The following RORA variants were observed in gnomAD, a reference collection of about 807,000 sequenced individuals.
The protein encoded by RORA is RAR related orphan receptor A.
RORA carries 7 observed loss-of-function variants against 69.5 expected under a neutral mutation model. That is an observed-to-expected ratio of 0.10 (90% CI 0.06 to 0.19). The LOEUF is 0.19. Ranked by LOEUF, RORA falls within the 10% of genes least tolerant of loss-of-function variation. The pLI is 1.00. For synonymous variants in RORA, 261 were observed against 240.8 expected, an observed-to-expected ratio of 1.08 and a Z score of -0.78; for missense variants, 457 against 663.0, an observed-to-expected ratio of 0.69 and a Z score of 3.41.
chr15:60,708,860 C>G (rs1448809305), intron 1 of RORA, among the ~76,000 whole-genome samples: 1 of 152,196 alleles, frequency 6.6e-6, no homozygotes, highest in African/African-American at 2.4e-5. Flanking sequence ...ATCCAGGGGT[C>G]AGGGTGAAAA....
chr15:60,945,729 C>T (rs1892850718), intron 1 of RORA, among the ~76,000 whole-genome samples: 2 of 152,212 alleles, frequency 1.3e-5, no homozygotes, highest in African/African-American at 4.8e-5. Context: ...CCCAAGGCAA[C>T]TCACAATGGT....
chr15:61,033,554 G>A (rs1595897895), intron 1 of RORA, among the ~76,000 whole-genome samples: 2 of 152,134 alleles, frequency 1.3e-5, no homozygotes, highest in African/African-American at 4.8e-5. Context: ...GACCTAGATA[G>A]TAGCTCCATA....
chr15:60,801,856 GATA>G (rs1205574531), intron 1 of RORA, among the ~76,000 whole-genome samples: 6 of 152,212 alleles, frequency 3.9e-5, no homozygotes, highest in Non-Finnish European at 7.3e-5. Flanking sequence ...AATATAAAAT[GATA>G]ATGATGATGA....
intron 2 of RORA, among the ~76,000 whole-genome samples, chr15:60,585,771 G>C (rs1441408691): frequency 6.6e-6 from 1 of 152,086 alleles, no homozygotes; most frequent in Non-Finnish European, 1.5e-5. Context: ...TTTACTTCCT[G>C]CCAAGCAAAC....
At chr15:60,623,978 G>A (rs1395002323) in intron 2 of RORA, among the ~76,000 whole-genome samples, 1 of 145,536 alleles carries the variant, frequency 6.9e-6, no homozygotes, top group Non-Finnish European at 1.5e-5. Context: ...TTGCTCGAAG[G>A]TTGGAATTCT....
At chr15:60,941,016 C>G (rs1481904771) in intron 1 of RORA, among the ~76,000 whole-genome samples, 1 of 152,114 alleles carries the variant, frequency 6.6e-6, no homozygotes, top group African/African-American at 2.4e-5. Context: ...GATTTTTCTC[C>G]TATGTGATAG....
intron 2 of RORA, among the ~76,000 whole-genome samples, chr15:60,581,132 A>G (rs2068180498): frequency 6.6e-6 from 1 of 152,294 alleles, no homozygotes; most frequent in East Asian, 1.9e-4. Context: ...TTCTGAAAAC[A>G]CTCGATCCAT....
At chr15:60,727,852 G>C (rs996893230) in intron 1 of RORA, among the ~76,000 whole-genome samples, 5 of 152,100 alleles carry the variant, frequency 3.3e-5, no homozygotes, top group Non-Finnish European at 2.9e-5. Flanking sequence ...AGAGGTTCAC[G>C]GGCACTCACT....
At chr15:60,991,869 G>A (rs1366570197) in intron 1 of RORA, among the ~76,000 whole-genome samples, 1 of 151,548 alleles carries the variant, frequency 6.6e-6, no homozygotes, top group Non-Finnish European at 1.5e-5. Flanking sequence ...CAGCATCCCT[G>A]TACTCCAGCC....
At chr15:60,980,489 T>C (rs1391623886) in intron 1 of RORA, among the ~76,000 whole-genome samples, 3 of 152,184 alleles carry the variant, frequency 2.0e-5, no homozygotes, top group Non-Finnish European at 4.4e-5. Flanking sequence ...GTAGAATCCA[T>C]TGATGGAGTC....
chr15:60,505,146 C>T (rs568985424), intron 6 of RORA, among the ~76,000 whole-genome samples: 1 of 152,284 alleles, frequency 6.6e-6, no homozygotes, highest in South Asian at 2.1e-4. Flanking sequence ...CTTCCAGAAA[C>T]ATTAGGCTGA....
At chr15:60,544,532 G>T (rs1414195546) in intron 2 of RORA, among the ~76,000 whole-genome samples, 1 of 152,076 alleles carries the variant, frequency 6.6e-6, no homozygotes, top group Non-Finnish European at 1.5e-5. Flanking sequence ...ACTATGAAAC[G>T]AAGAGAATTT....
At chr15:61,218,259 T>C (rs2080060493) in intron 1 of RORA, among the ~76,000 whole-genome samples, 1 of 151,822 alleles carries the variant, frequency 6.6e-6, no homozygotes, top group Non-Finnish European at 1.5e-5. Flanking sequence ...ATCACGGTAT[T>C]AATGTCTCAA....
At chr15:60,616,414 G>A (rs79822531) in intron 2 of RORA, among the ~76,000 whole-genome samples, 22 of 152,314 alleles carry the variant, frequency 1.4e-4, no homozygotes, top group South Asian at 4.2e-4. Context: ...CCAGTTGCAC[G>A]AGGGCTGTCA....
chr15:61,067,114 C>CTTT (rs772963614), intron 1 of RORA, among the ~76,000 whole-genome samples: 3 of 138,466 alleles, frequency 2.2e-5, no homozygotes, highest in African/African-American at 5.4e-5. Flanking sequence ...AACTTTTTTT[C>CTTT]TTTTTTTTTT....
intron 1 of RORA, among the ~76,000 whole-genome samples, chr15:60,719,348 T>C (rs1183557146): frequency 1.3e-5 from 2 of 151,986 alleles, no homozygotes; most frequent in Admixed American, 6.6e-5. Flanking sequence ...GAAACAACGA[T>C]GGTAAAATGT....
intron 1 of RORA, among the ~76,000 whole-genome samples, chr15:61,078,818 C>T (rs182980737): frequency 6.6e-6 from 1 of 152,124 alleles, no homozygotes; most frequent in Non-Finnish European, 1.5e-5. Flanking sequence ...TACCTACCTA[C>T]CTGCCTACCT....
At chr15:61,224,144 T>C (rs892446530) in intron 1 of RORA, among the ~76,000 whole-genome samples, 1 of 152,186 alleles carries the variant, frequency 6.6e-6, no homozygotes, top group Non-Finnish European at 1.5e-5. Context: ...ACTCCAACAC[T>C]TGAAGGCCTT....
At chr15:60,649,513 G>A (rs1430709143) in intron 2 of RORA, among the ~76,000 whole-genome samples, 2 of 152,122 alleles carry the variant, frequency 1.3e-5, no homozygotes, top group Non-Finnish European at 2.9e-5. Flanking sequence ...CTCTTCTAAC[G>A]TCAGAACATT....
Sources: allele counts gnomAD v4.1 joint callset (sites outside exome capture counted in the v4.1 genomes callset), GRCh38; gene constraint gnomAD v4.1.1; transcripts MANE v1.5; gene names NCBI Gene and HGNC (gene_info 2026-07-23, HGNC 2026-07-21).